The following TTC7A variants were observed in gnomAD, a reference collection of about 807,000 sequenced individuals.
The protein encoded by TTC7A is tetratricopeptide repeat domain 7A.
A neutral mutation model predicts 103.7 loss-of-function variants in TTC7A; 110 were observed. That is an observed-to-expected ratio of 1.06 (90% CI 0.91 to 1.24). TTC7A has a LOEUF of 1.24. TTC7A is among the 50% of genes most tolerant of loss of function. TTC7A has a pLI of 0.00. For missense variants in TTC7A, 1,340 were observed against 1,116.3 expected (o/e 1.20, Z -2.86); for synonymous variants, 521 against 467.9 (o/e 1.11, Z -1.47).
At chr2:47,069,298 G>A (rs1459141713) in intron 19 of TTC7A, among the ~76,000 whole-genome samples, 1 of 152,156 alleles carries the variant, frequency 6.6e-6, no homozygotes, top group Non-Finnish European at 1.5e-5. Flanking sequence ...CCTGGCCGCT[G>A]GTCCCTGCCC....
At chr2:46,917,406 T>G (rs1668867658) in intron 2 of TTC7A, 2 of 566,532 alleles carry the variant, frequency 3.5e-6, no homozygotes, top group African/African-American at 1.9e-5. Flanking sequence ...ACCCTGCATC[T>G]GCCATTCATC....
chr2:47,065,181 G>T (rs1684084593), intron 19 of TTC7A, among the ~76,000 whole-genome samples: 1 of 152,212 alleles, frequency 6.6e-6, no homozygotes. Flanking sequence ...CAGCTACTCG[G>T]GAATCTGAGG....
At chr2:46,987,198 A>G (rs1280432997) in intron 5 of TTC7A, among the ~76,000 whole-genome samples, 1 of 151,954 alleles carries the variant, frequency 6.6e-6, no homozygotes. Context: ...GCAGCCGTGG[A>G]CTCTGGTTGG....
intron 2 of TTC7A, among the ~76,000 whole-genome samples, chr2:46,924,172 C>T (rs1419340825): frequency 6.6e-6 from 1 of 151,276 alleles, no homozygotes; most frequent in African/African-American, 2.4e-5. Flanking sequence ...CCACTGCACT[C>T]CAGTCTGGGT....
chr2:46,952,058 T>G (rs1671464650), intron 2 of TTC7A, among the ~76,000 whole-genome samples: 2 of 152,142 alleles, frequency 1.3e-5, no homozygotes, highest in Admixed American at 1.3e-4. Context: ...ACTTTGGGGC[T>G]AGTAAGGGCA....
At chr2:47,042,115 T>A (rs1432675315) in intron 15 of TTC7A, among the ~76,000 whole-genome samples, 3 of 152,102 alleles carry the variant, frequency 2.0e-5, no homozygotes, top group South Asian at 2.1e-4. Flanking sequence ...GGTCCTTTTG[T>A]TATGCAGATA....
intron 3 of TTC7A, among the ~76,000 whole-genome samples, chr2:46,962,306 C>G (rs1672451567): frequency 6.6e-6 from 1 of 152,152 alleles, no homozygotes; most frequent in Non-Finnish European, 1.5e-5. Flanking sequence ...CTTGGTTGTT[C>G]AGCCTGCAAC....
chr2:46,993,485 T>C lies in TTC7A; in HGVS notation c.800T>C (p.Val267Ala). The C allele has an allele frequency of 6.2e-7, 1 of 1,613,770 alleles. No homozygotes were observed. Among genetic ancestry groups the C allele is most frequent in the Non-Finnish European group, 8.5e-7 (1 of 1,179,946 alleles). The change falls in exon 6 of 20, where the codon GTG (valine) becomes GCG (alanine). Residue 267 changes from valine to alanine, a missense_variant. By Grantham distance (64) the Val-to-Ala change is moderately conservative (BLOSUM62 0). Coordinates refer to ENST00000319190, the MANE Select transcript of TTC7A (RefSeq NM_020458.4). ...IVKGMRELRE[V>A]LRTVETKATQ... is the part of the protein sequence containing the mutation. ...AAGGGCATGAGAGAGCTCCGGGAGG[T>C]GCTGCGGACTGTGGAGACCAAAGCA...
intron 15 of TTC7A, among the ~76,000 whole-genome samples, chr2:47,031,236 T>A (rs1020592773): frequency 6.6e-6 from 1 of 152,144 alleles, no homozygotes; most frequent in Non-Finnish European, 1.5e-5. Flanking sequence ...GAGAAAACAG[T>A]GTGTGGACAA....
At chr2:47,027,201 C>T (rs960398375) in intron 14 of TTC7A, among the ~76,000 whole-genome samples, 6 of 152,180 alleles carry the variant, frequency 3.9e-5, no homozygotes, top group Admixed American at 6.5e-5. Context: ...AGAGGATTCC[C>T]TGCATCCTGG....
At chr2:47,009,919 A>T (rs1196552603) in intron 10 of TTC7A, among the ~76,000 whole-genome samples, 1 of 71,224 alleles carries the variant, frequency 1.4e-5, no homozygotes, top group African/African-American at 5.0e-5. Context: ...TGGGGGGGAC[A>T]GGGGAGGGGG....
At chr2:47,031,134 G>C (rs536504003) in intron 15 of TTC7A, among the ~76,000 whole-genome samples, 2 of 152,178 alleles carry the variant, frequency 1.3e-5, no homozygotes, top group Non-Finnish European at 2.9e-5. Flanking sequence ...GCGACAGAGC[G>C]AGACTCAGTC....
intron 18 of TTC7A, among the ~76,000 whole-genome samples, chr2:47,054,835 C>CAAAAA (rs71399005): frequency 6.1e-5 from 7 of 115,696 alleles, no homozygotes; most frequent in African/African-American, 1.2e-4. Flanking sequence ...GACCCTGTCT[C>CAAAAA]AAAAAAAAAA....
intron 3 of TTC7A, among the ~76,000 whole-genome samples, chr2:46,962,022 ATGGCTGTGAGCCCT>A (rs1672426194): frequency 6.6e-6 from 1 of 152,224 alleles, no homozygotes. Flanking sequence ...CCATGTGCTC[ATGGCTGTGAGCCCT>A]GTCTTCCACT....
At chr2:46,988,496 C>A (rs982748117) in intron 5 of TTC7A, among the ~76,000 whole-genome samples, 1 of 152,230 alleles carries the variant, frequency 6.6e-6, no homozygotes, top group African/African-American at 2.4e-5. Context: ...GGAATGCGGA[C>A]ATCTGGCCAG....
intron 8 of TTC7A, among the ~76,000 whole-genome samples, chr2:46,998,714 A>T (rs1272489398): frequency 2.6e-5 from 4 of 152,202 alleles, no homozygotes; most frequent in African/African-American, 7.2e-5. Flanking sequence ...CCTCCAGGAC[A>T]TCCAGAGCAG....
chr2:47,000,379 G>A (rs1187892280), intron 8 of TTC7A, among the ~76,000 whole-genome samples: 1 of 152,210 alleles, frequency 6.6e-6, no homozygotes, highest in Non-Finnish European at 1.5e-5. Flanking sequence ...GCTGAAGGCT[G>A]AAGCGGTGAA....
intron 2 of TTC7A, chr2:46,956,530 G>T: frequency 3.0e-6 from 1 of 336,224 alleles, no homozygotes; most frequent in Non-Finnish European, 5.6e-6. Context: ...AGTCTTTGGG[G>T]GGATTCAGGA....
chr2:46,939,070 G>A (rs1476095680), upstream of TTC7A, among the ~76,000 whole-genome samples: 1 of 150,392 alleles, frequency 6.6e-6, no homozygotes, highest in Non-Finnish European at 1.5e-5. Flanking sequence ...GAAGCTGGGA[G>A]TTTAAGACCA....
Sources: allele counts gnomAD v4.1 joint callset (sites outside exome capture counted in the v4.1 genomes callset), GRCh38; gene constraint gnomAD v4.1.1; transcripts MANE v1.5; gene names NCBI Gene and HGNC (gene_info 2026-07-23, HGNC 2026-07-21).